KMT5B: variants seen among roughly 807,000 people sequenced by gnomAD.
KMT5B encodes the protein histone-lysine N-methyltransferase KMT5B.
A neutral mutation model predicts 83.2 loss-of-function variants in KMT5B; 10 were observed. The observed-to-expected ratio is 0.12, with a 90% CI of 0.07 to 0.20. The LOEUF (loss-of-function observed/expected upper bound fraction) is 0.20, where lower values mean the gene tolerates loss of function less well. Ranked by LOEUF, KMT5B falls within the 10% of genes least tolerant of loss-of-function variation. The pLI is 1.00. For missense variants in KMT5B, 753 were observed against 1,067.2 expected (o/e 0.71, Z 4.10); for synonymous variants, 349 against 388.8 (o/e 0.90, Z 1.20).
At chr11:68,190,307 C>T (rs998644463) in intron 1 of KMT5B, among the ~76,000 whole-genome samples, 155 bp from the exon 2 acceptor site, 4 of 152,178 alleles carry the variant, frequency 2.6e-5, no homozygotes, top group African/African-American at 9.7e-5. Context: ...ACATAAACAA[C>T]GGTGGTTCCA....
At chr11:68,165,386 C>A (rs1344395012) in intron 10 of KMT5B, among the ~76,000 whole-genome samples, 2 of 152,254 alleles carry the variant, frequency 1.3e-5, no homozygotes, top group Middle Eastern at 3.4e-3. Flanking sequence ...TGCCTGTAAT[C>A]CCAGCTACTT....
At chr11:68,172,564 C>T (rs552455633) in intron 6 of KMT5B, among the ~76,000 whole-genome samples, 157 of 152,186 alleles carry the variant, frequency 1.0e-3, no homozygotes, top group African/African-American at 2.5e-3. Flanking sequence ...ATCCAAAATA[C>T]GATTTCAGTA....
intron 10 of KMT5B, among the ~76,000 whole-genome samples, chr11:68,160,924 G>A (rs1854804593): frequency 6.6e-6 from 1 of 152,222 alleles, no homozygotes; most frequent in South Asian, 2.1e-4. Flanking sequence ...TCCAGCCTGG[G>A]TGACAAGAGT....
Position 68,156,236 on chromosome 11 carries a change from C to T in KMT5B, c.*1452G>A, listed in dbSNP as rs1340434819. The T allele has an allele frequency of 2.0e-5, 3 of 152,306 alleles. No individual in the cohort carries two copies. Among genetic ancestry groups the T allele is most frequent in the Non-Finnish European group, 4.4e-5 (3 of 68,024 alleles). 9.4% of individuals were successfully genotyped at this position (152,306 alleles called of 1,614,324 possible). On this transcript the variant is annotated 3_prime_UTR_variant, in exon 11 of 11. Coordinates refer to ENST00000304363, the MANE Select transcript of KMT5B (RefSeq NM_017635.5). Reference sequence around the variant, plus strand: ...TATCAGAAAGTACAGGTACACATTTCCCAGAAATAAAGAGACCTACTGGTG... The same window carrying T: ...TATCAGAAAGTACAGGTACACATTTTCCAGAAATAAAGAGACCTACTGGTG...
At chr11:68,183,484 A>T (rs1857146254) in intron 3 of KMT5B, among the ~76,000 whole-genome samples, 1 of 151,792 alleles carries the variant, frequency 6.6e-6, no homozygotes, top group African/African-American at 2.4e-5. Flanking sequence ...CAGCCTTCCG[A>T]GTAGCTGGGA....
chr11:68,168,920 T>C (rs1555027016), intron 9 of KMT5B, among the ~76,000 whole-genome samples: 2 of 152,204 alleles, frequency 1.3e-5, no homozygotes, highest in Non-Finnish European at 2.9e-5. Flanking sequence ...TGGCCTAACA[T>C]TAAGTAACTG....
chr11:68,186,497 G>A (rs1025471197), intron 2 of KMT5B, among the ~76,000 whole-genome samples: 1 of 152,226 alleles, frequency 6.6e-6, no homozygotes, highest in African/African-American at 2.4e-5. Flanking sequence ...CTGGGCAGTA[G>A]AAGTGGGGAA....
intron 4 of KMT5B, chr11:68,179,723 G>C (rs745881405): frequency 9.8e-6 from 9 of 915,328 alleles, no homozygotes; most frequent in Non-Finnish European, 1.3e-5. Flanking sequence ...AAAACCATGA[G>C]GCAACATAGT....
chr11:68,195,310 CAA>C (rs1161549295), intron 1 of KMT5B, among the ~76,000 whole-genome samples: 1 of 152,208 alleles, frequency 6.6e-6, no homozygotes, highest in East Asian at 1.9e-4. Context: ...TGGTAACCAA[CAA>C]AGTCACTTAA....
rs776530029 is a variant in KMT5B, at chr11:68,158,418, G to C, written c.1928C>G (p.Pro643Arg). The change falls in exon 11 of 11, where the codon CCA (proline) becomes CGA (arginine). Residue 643 changes from proline to arginine, a missense_variant. By Grantham distance (103) the Pro-to-Arg change is moderately radical. Around this residue, in one of 9 missense-constraint regions of KMT5B, gnomAD observed 397 missense variants for 395.9 expected, o/e 1.00. Transcript: ENST00000304363. Reference protein sequence around the residue: ...HDSPGKDDAVPDLMGPHSDQG... With the variant: ...HDSPGKDDAVRDLMGPHSDQG... Reference sequence around the variant, plus strand: ...GTCAGAATGGGGACCCATCAAATCTGGTACCGCGTCGTCTTTTCCAGGAGA... The same window carrying C: ...GTCAGAATGGGGACCCATCAAATCTCGTACCGCGTCGTCTTTTCCAGGAGA... The C allele has an allele frequency of 6.2e-7, 1 of 1,614,086 alleles. No homozygotes were observed.
intron 10 of KMT5B, 79 bp from the exon 11 acceptor site, chr11:68,159,250 T>C: frequency 6.7e-7 from 1 of 1,492,550 alleles, no homozygotes; most frequent in East Asian, 2.3e-5. Context: ...CCCAGGCTAT[T>C]AGCTACAGCA....
chr11:68,196,903 GAC>G (rs954641047), intron 1 of KMT5B, among the ~76,000 whole-genome samples: 6 of 151,674 alleles, frequency 4.0e-5, no homozygotes, highest in African/African-American at 9.7e-5. Flanking sequence ...TCAAAAATAA[GAC>G]ATAAAGCATA....
intron 4 of KMT5B, among the ~76,000 whole-genome samples, 187 bp from the exon 5 acceptor site, chr11:68,175,370 G>A (rs1856254175): frequency 6.6e-6 from 1 of 152,082 alleles, no homozygotes; most frequent in Non-Finnish European, 1.5e-5. Flanking sequence ...TGATCACCTG[G>A]ATACGCAAGT....
At chr11:68,176,455 A>T (rs1040766641) in intron 4 of KMT5B, 4 of 152,040 alleles carry the variant, frequency 2.6e-5, no homozygotes, top group South Asian at 2.1e-4. Context: ...TTTTTATTTT[A>T]AAAAAAAGTT....
intron 2 of KMT5B, among the ~76,000 whole-genome samples, chr11:68,186,819 A>C (rs1857478086): frequency 6.6e-6 from 1 of 152,214 alleles, no homozygotes; most frequent in Non-Finnish European, 1.5e-5. Flanking sequence ...GTAAAGTTTA[A>C]CCTTTTCATC....
At chr11:68,163,948 G>C (rs557284638) in intron 10 of KMT5B, among the ~76,000 whole-genome samples, 1 of 152,246 alleles carries the variant, frequency 6.6e-6, no homozygotes, top group Admixed American at 6.5e-5. Flanking sequence ...GGCTTGTCCT[G>C]ACTTGTGGCA....
chr11:68,212,194 A>G (rs1439293448), intron 1 of KMT5B, among the ~76,000 whole-genome samples: 2 of 152,238 alleles, frequency 1.3e-5, no homozygotes, highest in Non-Finnish European at 2.9e-5. Context: ...AGCAAAGTTC[A>G]GACCTGTATG....
chr11:68,159,243 A>T (rs1854648699), intron 10 of KMT5B, 72 bp from the exon 11 acceptor site: 1 of 1,495,586 alleles, frequency 6.7e-7, no homozygotes, highest in Non-Finnish European at 8.8e-7. Context: ...GCCCAAACCC[A>T]GGCTATTAGC....
chr11:68,205,218 T>C (rs1859944503), intron 1 of KMT5B, among the ~76,000 whole-genome samples: 2 of 151,680 alleles, frequency 1.3e-5, no homozygotes. Context: ...CTCAGGAGGC[T>C]GAGGCTGAAG....
Sources: gnomAD v4.1 joint callset for allele counts (sites outside exome capture counted in the v4.1 genomes callset) on GRCh38, gnomAD v4.1.1 for gene constraint, gnomAD v4.1.1 regional missense constraint, MANE v1.5 for transcripts, NCBI Gene and HGNC (gene_info 2026-07-23, HGNC 2026-07-21) for gene names.